The following WNT2B variants were observed in gnomAD, a reference collection of about 807,000 sequenced individuals.
The protein encoded by WNT2B is Wnt family member 2B.
In WNT2B, 19 loss-of-function variants were observed where a neutral mutation model predicts 40.5. That is an observed-to-expected ratio of 0.47 (90% confidence interval 0.33 to 0.69). WNT2B has a LOEUF of 0.69. Ranked by LOEUF, WNT2B falls within the 30% of genes least tolerant of loss-of-function variation. The probability of loss-of-function intolerance (pLI) is 0.02; values close to 1 mark genes in which losing one functional copy is unlikely to be tolerated. For synonymous variants in WNT2B, 220 were observed against 211.9 expected, an observed-to-expected ratio of 1.04 and a Z score of -0.33; for missense variants, 467 against 556.4, an observed-to-expected ratio of 0.84 and a Z score of 1.62.
chr1:112,518,856 A>G (rs146898695), intron 4 of WNT2B, among the ~76,000 whole-genome samples: 1,759 of 152,332 alleles, frequency 0.012, 14 homozygotes, highest in South Asian at 0.019. Context: ...ATAGAGTCCA[A>G]TTGAACTTTC....
intron 1 of WNT2B, among the ~76,000 whole-genome samples, chr1:112,481,121 A>G (rs1448259791): frequency 6.6e-6 from 1 of 151,952 alleles, no homozygotes; most frequent in Non-Finnish European, 1.5e-5. Flanking sequence ...GTGAGCCGAG[A>G]TCGCGCCACT....
chr1:112,480,663 TG>T (rs1393982563), intron 1 of WNT2B, among the ~76,000 whole-genome samples: 1 of 152,064 alleles, frequency 6.6e-6, no homozygotes, highest in African/African-American at 2.4e-5. Flanking sequence ...TTAAAAAGAA[TG>T]AACACCTAAT....
In WNT2B at chr1:112,509,640, AG is replaced by A. The variant is rs1652274579; in HGVS notation, c.182+198del. On this transcript the variant is annotated intron_variant, in intron 1 of 4. Coordinates refer to ENST00000369684, the MANE Select transcript of WNT2B (RefSeq NM_024494.3). The surrounding 1 kb of genome is among the most constrained non-coding windows in gnomAD (Gnocchi z 4.2). ...CCGCGTCTTACACGACTGGTGAGAA[AG>A]GCGCTGGGCATTCGGAGCAAGGATG... is the stretch of plus-strand genomic sequence containing the variant. Among the ~76,000 whole-genome samples the A allele has an allele frequency of 6.6e-6, 1 of 152,202 alleles. No individual in the cohort carries two copies. Among genetic ancestry groups the A allele is most frequent in the Non-Finnish European group, 1.5e-5 (1 of 68,038 alleles).
intron 1 of WNT2B, among the ~76,000 whole-genome samples, chr1:112,490,388 A>G (rs1415379535): frequency 6.6e-6 from 1 of 152,236 alleles, no homozygotes; most frequent in African/African-American, 2.4e-5. Flanking sequence ...TCTGTTTTCA[A>G]TGTAACCTGT....
Position 112,530,063 on chromosome 1 carries a change from G to GT in WNT2B, c.*9554_*9555insT, listed in dbSNP as rs1654120052. On this transcript the variant is annotated 3_prime_UTR_variant, in exon 5 of 5. Coordinates refer to ENST00000369684, the MANE Select transcript of WNT2B (RefSeq NM_024494.3). ...TGTGTATTTTGTTAACCTAGGCAAA[G>GT]AATAACAATTTCTGCTTATTCCAGT... 1 of 152,338 alleles carries GT rather than the reference G, an allele frequency of 6.6e-6. No individual in the cohort carries two copies. The highest frequency in any genetic ancestry group is 2.4e-5 in the African/African-American group (1 of 41,580). The allele number at this position is 152,338 out of a possible 1,614,324, so 9.4% of individuals were successfully genotyped here. A position where few individuals can be genotyped will look rare whatever the true frequency, so the allele number is the denominator to read the frequency against.
At chr1:112,507,151 CACCTTAATGAGGCCT>C (rs1475160107), upstream of WNT2B, among the ~76,000 whole-genome samples, 2 of 152,178 alleles carry the variant, frequency 1.3e-5, no homozygotes, top group Non-Finnish European at 2.9e-5. Context: ...GCTTGCATGT[CACCTTAATGAGGCCT>C]ACCCTGATCA....
intron 1 of WNT2B, among the ~76,000 whole-genome samples, chr1:112,484,298 C>CACATAT (rs1274210896): frequency 8.6e-6 from 1 of 116,448 alleles, no homozygotes; most frequent in African/African-American, 4.0e-5. Flanking sequence ...TATACACACA[C>CACATAT]ATATATATAG....
chr1:112,524,679 T>C lies in WNT2B; in HGVS notation c.*4170T>C, dbSNP rs148503056. The C allele has an allele frequency of 1.2e-4, 19 of 152,584 alleles. No homozygotes were observed. The highest frequency in any genetic ancestry group is 4.6e-4 in the African/African-American group (19 of 41,514). The allele number at this position is 152,584 out of a possible 1,614,324, so 9.5% of individuals were successfully genotyped here. On this transcript the variant is annotated 3_prime_UTR_variant, in exon 5 of 5. Transcript: ENST00000369684. ...CGGGGGTTGGGCATCTTTGAAGCAA[T>C]GTTGGATAACAAGAAAGAGATGCTT...
intron 1 of WNT2B, among the ~76,000 whole-genome samples, chr1:112,477,647 A>T (rs1228513278): frequency 6.6e-6 from 1 of 152,266 alleles, no homozygotes; most frequent in African/African-American, 2.4e-5. Flanking sequence ...GAAAAGCAAT[A>T]CAAGAACAGA....
chr1:112,491,187 A>G (rs1570774278), intron 1 of WNT2B: 2 of 1,095,734 alleles, frequency 1.8e-6, no homozygotes, highest in Non-Finnish European at 2.7e-6. Flanking sequence ...AGGCGGGTGG[A>G]TCACAAGGGC....
intron 1 of WNT2B, among the ~76,000 whole-genome samples, chr1:112,486,833 T>C (rs921906077): frequency 4.6e-5 from 7 of 152,202 alleles, no homozygotes; most frequent in Non-Finnish European, 8.8e-5. Flanking sequence ...TTTTATATTA[T>C]GTGTTGACGA....
At chr1:112,487,117 C>A (rs758212701) in intron 1 of WNT2B, among the ~76,000 whole-genome samples, 1 of 152,128 alleles carries the variant, frequency 6.6e-6, no homozygotes, top group Non-Finnish European at 1.5e-5. Flanking sequence ...TATATCCATA[C>A]AATGGAATAC....
In WNT2B at chr1:112,514,893, G is replaced by T. The variant is rs1293155844; in HGVS notation, c.202G>T (p.Ala68Ser). 16 of 1,614,100 alleles carry T rather than the reference G, an allele frequency of 9.9e-6. No individual in the cohort carries two copies. The highest frequency in any genetic ancestry group is 1.4e-5 in the Non-Finnish European group (16 of 1,180,044). ...TTGCAGGTACATTGGGGCACTGGGGGCACGAGTGATCTGTGACAATATCCC... is the reference window on the plus strand; with the variant it reads ...TTGCAGGTACATTGGGGCACTGGGGTCACGAGTGATCTGTGACAATATCCC... ...TSWWYIGALGARVICDNIPGL... is the reference protein window; with the variant it reads ...TSWWYIGALGSRVICDNIPGL... Residue 68 changes from alanine to serine, a missense_variant, in exon 2 of 5, where the codon GCA (alanine) becomes TCA (serine). Physicochemically the swap from Ala to Ser is moderately conservative, Grantham distance 99 (BLOSUM62 1). Coordinates refer to ENST00000369684, the MANE Select transcript of WNT2B (RefSeq NM_024494.3).
At chr1:112,511,503 A>G (rs1377285996) in intron 1 of WNT2B, among the ~76,000 whole-genome samples, 1 of 152,194 alleles carries the variant, frequency 6.6e-6, no homozygotes, top group African/African-American at 2.4e-5. Flanking sequence ...TGTTCTGTAC[A>G]ACCCGTGGAA....
Position 112,509,338 on chromosome 1 carries a change from T to A in WNT2B, c.76T>A (p.Ser26Thr), listed in dbSNP as rs1381641828. 9.4e-6 allele frequency: 15 copies of A among 1,589,920 alleles called. No individual in the cohort carries two copies. Among genetic ancestry groups the A allele is most frequent in the Non-Finnish European group, 1.3e-5 (15 of 1,174,958 alleles). ...CGCCAGCGCCCCGGTCCCTGTGCCG[T>A]CGCCCGCGGCCCCCGACGGCTCCCG... ...RRASAPVPVPSPAAPDGSRAS... is the reference protein window; with the variant it reads ...RRASAPVPVPTPAAPDGSRAS... The change falls in exon 1 of 5, where the codon TCG (serine) becomes ACG (threonine). Residue 26 changes from serine (S) to threonine (T), a missense_variant. By Grantham distance (58) the Ser-to-Thr change is moderately conservative (BLOSUM62 1). Transcript: ENST00000369684. The surrounding 1 kb of genome is among the most constrained non-coding windows in gnomAD (Gnocchi z 4.2).
chr1:112,474,581 G>A (rs1333202719), intron 1 of WNT2B, among the ~76,000 whole-genome samples: 1 of 152,164 alleles, frequency 6.6e-6, no homozygotes, highest in African/African-American at 2.4e-5. Flanking sequence ...GTAGACTACT[G>A]AGGAAAAAAA....
rs145030807 is a variant in WNT2B, at chr1:112,484,272, C to CATATATATATACACAT, written c.-95+16692_-95+16693insCACATATATATATATA. ...ATATATATACACATATATATATACA[C>CATATATATATACACAT]ATATATATATATATATATACACACA... On this transcript the variant is annotated intron_variant, in intron 1 of 4. Transcript: ENST00000256640. Among the ~76,000 whole-genome samples the CATATATATATACACAT allele has an allele frequency of 1.1e-3, 136 of 123,216 alleles. 1 individual carries two copies. Among genetic ancestry groups the CATATATATATACACAT allele is most frequent in the African/African-American group, 2.8e-3 (86 of 30,308 alleles). 80.8% of individuals were successfully genotyped at this position (123,216 alleles called of 152,430 possible).
In WNT2B at chr1:112,516,323, T is replaced by C; in HGVS notation, c.587T>C (p.Val196Ala). The C allele has an allele frequency of 6.2e-7, 1 of 1,614,048 alleles. No homozygotes were observed. Among genetic ancestry groups the C allele is most frequent in the Non-Finnish European group, 8.5e-7 (1 of 1,180,026 alleles). The change falls in exon 3 of 5, where the codon GTC becomes GCC. Residue 196 changes from valine (V) to alanine (A), a missense_variant. Around this residue, in one of 2 missense-constraint regions of WNT2B, gnomAD observed 330 missense variants for 438.6 expected, o/e 0.75. Transcript: ENST00000369684. ...TGCAGTGACAACATCCACTACGGTG[T>C]CCGTTTTGCCAAGGCCTTCGTGGAT... ...GGCSDNIHYG[V>A]RFAKAFVDAK...
At chr1:112,513,129 A>G (rs920888243) in intron 1 of WNT2B, among the ~76,000 whole-genome samples, 3 of 145,260 alleles carry the variant, frequency 2.1e-5, no homozygotes, top group African/African-American at 7.9e-5. Context: ...TTAAAAAAAA[A>G]CAAAAAAACA....
Sources: gnomAD v4.1 joint callset for allele counts (sites outside exome capture counted in the v4.1 genomes callset) on GRCh38, gnomAD v4.1.1 for gene constraint, gnomAD v4.1.1 regional missense constraint, Gnocchi (gnomAD v3.1) non-coding constraint, MANE v1.5 for transcripts, NCBI Gene and HGNC (gene_info 2026-07-23, HGNC 2026-07-21) for gene names.